Variants in SLC28A1 observed in about 807,000 individuals in gnomAD.
The protein encoded by SLC28A1 is solute carrier family 28 member 1, also known as sodium/nucleoside cotransporter 1.
A neutral mutation model predicts 74.8 loss-of-function variants in SLC28A1; 64 were observed. The ratio of observed to expected loss-of-function variants is 0.86; its 90% CI spans 0.70 to 1.05. The LOEUF is 1.05. Ranked by LOEUF, SLC28A1 falls within the 50% of genes least tolerant of loss-of-function variation. The probability of loss-of-function intolerance (pLI) is 0.00; values close to 1 mark genes in which losing one functional copy is unlikely to be tolerated. For missense variants in SLC28A1, 828 were observed against 822.8 expected, an observed-to-expected ratio of 1.01 and a Z score of -0.08; for synonymous variants, 359 against 335.0, an observed-to-expected ratio of 1.07 and a Z score of -0.78.
chr15:84,968,747 T>G, the SLC28A1 span, among the ~76,000 whole-genome samples: 1 of 152,222 alleles, frequency 6.6e-6, no homozygotes, highest in East Asian at 1.9e-4. Flanking sequence ...TCTTGTTAAG[T>G]GATGTAAGAA....
chr15:84,911,629 A>G (rs1190595473), intron 9 of SLC28A1, among the ~76,000 whole-genome samples: 3 of 152,096 alleles, frequency 2.0e-5, no homozygotes, highest in African/African-American at 7.2e-5. Context: ...TGGGAGGCTG[A>G]AGTGGTTCGA....
intron 8 of SLC28A1, among the ~76,000 whole-genome samples, chr15:84,906,018 C>T (rs1318100462): frequency 5.7e-5 from 8 of 139,254 alleles, no homozygotes; most frequent in South Asian, 2.2e-4. Flanking sequence ...CATTTTTGTT[C>T]TTTTTTTTTT....
At position 84,935,459 on chromosome 15, in the gene SLC28A1, A is replaced by C; in HGVS notation, c.1522A>C (p.Lys508Gln). Reference sequence around the variant, plus strand: ...GGCCTATCAAGACCTCTCCAAGTACAAGCAACGCCGCCTGGCAGGGGCCGA... The same window carrying C: ...GGCCTATCAAGACCTCTCCAAGTACCAGCAACGCCGCCTGGCAGGGGCCGA... ...FVAYQDLSKY[K>Q]QRRLAGAEEW... is the part of the protein sequence containing the mutation. The change falls in exon 15 of 19, where the codon AAG (lysine) becomes CAG (glutamine). Residue 508 changes from lysine (K) to glutamine (Q), a missense_variant. This residue lies in a region of SLC28A1 where 767 missense variants were observed against 753.5 expected (regional missense o/e 1.02). Coordinates refer to ENST00000394573, the MANE Select transcript of SLC28A1 (RefSeq NM_004213.5). The C allele has an allele frequency of 1.2e-6, 2 of 1,614,190 alleles. No individual in the cohort carries two copies. The highest frequency in any genetic ancestry group is 1.1e-5 in the South Asian group (1 of 91,088).
intron 8 of SLC28A1, 101 bp from the exon 9 acceptor site, chr15:84,908,617 T>C: frequency 1.0e-6 from 1 of 953,468 alleles, no homozygotes; most frequent in Non-Finnish European, 1.7e-6. Flanking sequence ...CTGGGGGGAC[T>C]ACGTCCCTGG....
chr15:84,945,490 A>C lies in SLC28A1; in HGVS notation c.*290A>C. On this transcript the variant is annotated 3_prime_UTR_variant, in exon 19 of 19. Coordinates refer to ENST00000394573, the MANE Select transcript of SLC28A1 (RefSeq NM_004213.5). ...CCTCCCGTTTCCCCTCCACATCCAAACAGCACCCTGGTCCTCTCTATCCCC... is the reference window on the plus strand; with the variant it reads ...CCTCCCGTTTCCCCTCCACATCCAACCAGCACCCTGGTCCTCTCTATCCCC... The C allele has an allele frequency of 4.7e-6, 2 of 429,376 alleles. No homozygotes were observed. The highest frequency in any genetic ancestry group is 4.4e-6 in the Non-Finnish European group (1 of 228,556). The allele number at this position is 429,376 out of a possible 1,614,324, so 26.6% of individuals were successfully genotyped here.
chr15:84,960,276 G>A, the SLC28A1 span, among the ~76,000 whole-genome samples: 1 of 88,964 alleles, frequency 1.1e-5, no homozygotes, highest in Non-Finnish European at 2.0e-5. Context: ...TTTTTTTTGA[G>A]ACAAGGTCTT....
chr15:84,915,272 G>A (rs1431525959), intron 9 of SLC28A1, among the ~76,000 whole-genome samples: 2 of 152,182 alleles, frequency 1.3e-5, no homozygotes, highest in Non-Finnish European at 2.9e-5. Flanking sequence ...AGCAGAGCAA[G>A]TCCAGATACA....
chr15:84,928,594 CTTTCTTTCTTT>C (rs1970859116), intron 12 of SLC28A1, among the ~76,000 whole-genome samples: 13 of 16,522 alleles, frequency 7.9e-4, no homozygotes, highest in Admixed American at 2.5e-3. Flanking sequence ...TTCTTTCTTT[CTTTCTTTCTTT>C]TCTTTCTTTC....
At chr15:84,931,066 G>A (rs1224732086) in intron 12 of SLC28A1, among the ~76,000 whole-genome samples, 13 of 151,836 alleles carry the variant, frequency 8.6e-5, no homozygotes, top group South Asian at 6.3e-4. Context: ...CCCCACGCCC[G>A]GCCTAATTTT....
chr15:84,957,406 A>G, the SLC28A1 span, among the ~76,000 whole-genome samples: 2 of 152,210 alleles, frequency 1.3e-5, no homozygotes, highest in Non-Finnish European at 2.9e-5. Context: ...GGCTGGGAGT[A>G]CAGGCGAACG....
chr15:84,890,627 C>A, intron 5 of SLC28A1, 93 bp downstream of exon 5: 2 of 1,044,700 alleles, frequency 1.9e-6, no homozygotes, highest in Non-Finnish European at 2.9e-6. Context: ...CCCAGTCATT[C>A]AACAAATGGT....
In SLC28A1 at chr15:84,888,863, A is replaced by AG. The variant is rs1162876828; in HGVS notation, c.185+5dup. 1 of 1,548,792 alleles carries AG rather than the reference A, an allele frequency of 6.5e-7. No homozygotes were observed. Among genetic ancestry groups the AG allele is most frequent in the South Asian group, 1.2e-5 (1 of 84,010 alleles). ...GCGCCGAAGCCCTTCTCCAGATGGT[A>AG]GGTGATCTCTGGAGAGACAAGGGCG... On this transcript the variant is annotated splice_donor_region_variant and intron_variant, in intron 4 of 18. Transcript: ENST00000394573.
intron 4 of SLC28A1, among the ~76,000 whole-genome samples, chr15:84,889,709 TTTCCTTCCTTCCTTCC>T (rs1327916243): frequency 6.3e-4 from 17 of 27,114 alleles, no homozygotes; most frequent in South Asian, 2.2e-3. Context: ...TCCTTCCTTC[TTTCCTTCCTTCCTTCC>T]TTCCTTCCTT....
chr15:84,934,835 A>G (rs374948245), intron 13 of SLC28A1, among the ~76,000 whole-genome samples, 191 bp from the exon 14 acceptor site: 27 of 152,192 alleles, frequency 1.8e-4, no homozygotes, highest in African/African-American at 6.5e-4. Context: ...CATCTTGGAC[A>G]GTTCAGCGTT....
At chr15:84,897,076 C>A (rs528857566) in intron 6 of SLC28A1, among the ~76,000 whole-genome samples, 1 of 151,670 alleles carries the variant, frequency 6.6e-6, no homozygotes, top group Non-Finnish European at 1.5e-5. Context: ...TACTAAAAAC[C>A]ATTAAACCAT....
Position 84,895,358 on chromosome 15 carries a change from C to G in SLC28A1, c.461+235C>G, listed in dbSNP as rs142879736. On this transcript the variant is annotated intron_variant, in intron 6 of 18. Transcript: ENST00000394573. ...GACTGTGGTGGACGAAAACTGGACT[C>G]AACAGTTTCCTCCATTCAGGGATCC... 2.0e-5 allele frequency: 33 copies of G among 1,613,942 alleles called. No homozygotes were observed. The African/African-American group carries it at 3.6e-4, about 18-fold the overall frequency.
At chr15:84,950,359 CTTTTTTTTT>C (rs571049176), downstream of SLC28A1, among the ~76,000 whole-genome samples, 6 of 127,584 alleles carry the variant, frequency 4.7e-5, no homozygotes, top group East Asian at 2.4e-4. Context: ...CGCCAGTCTC[CTTTTTTTTT>C]TTTTTTTTTT....
the SLC28A1 span, among the ~76,000 whole-genome samples, chr15:84,972,838 A>G: frequency 6.6e-6 from 1 of 152,228 alleles, no homozygotes; most frequent in Admixed American, 6.5e-5. Flanking sequence ...AATTTACCAA[A>G]CACAAAGGTG....
At chr15:84,909,920 G>A (rs759141984) in intron 9 of SLC28A1, among the ~76,000 whole-genome samples, 1 of 152,224 alleles carries the variant, frequency 6.6e-6, no homozygotes, top group African/African-American at 2.4e-5. Context: ...TCCCCACCCT[G>A]CTGGGGGTCT....
Sources: allele counts gnomAD v4.1 joint callset (sites outside exome capture counted in the v4.1 genomes callset), GRCh38; gene constraint gnomAD v4.1.1; regional missense constraint gnomAD v4.1.1; transcripts MANE v1.5; gene names NCBI Gene and HGNC (gene_info 2026-07-23, HGNC 2026-07-21).